The following TAS2R1 variants were observed in gnomAD, a reference collection of about 807,000 sequenced individuals.
TAS2R1 encodes taste 2 receptor member 1, also known as taste receptor type 2 member 1.
For missense variants in TAS2R1, 370 were observed against 353.4 expected, an observed-to-expected ratio of 1.05 and a Z score of -0.38; for synonymous variants, 141 against 134.2, an observed-to-expected ratio of 1.05 and a Z score of -0.35.
At chr5:9,699,858 A>AT (rs1038947281) in intron 1 of TAS2R1, among the ~76,000 whole-genome samples, 1 of 152,138 alleles carries the variant, frequency 6.6e-6, no homozygotes, top group African/African-American at 2.4e-5. Context: ...GTAATGATTC[A>AT]TTTTTTTCTT....
chr5:9,740,794 C>CTT, the TAS2R1 span, among the ~76,000 whole-genome samples: 1 of 152,176 alleles, frequency 6.6e-6, no homozygotes, highest in African/African-American at 2.4e-5. Flanking sequence ...CTTTGCAACT[C>CTT]CTTCTCTTCC....
At chr5:9,658,188 T>C (rs1216778583) in intron 2 of TAS2R1, among the ~76,000 whole-genome samples, 2 of 152,214 alleles carry the variant, frequency 1.3e-5, no homozygotes, top group Non-Finnish European at 2.9e-5. Flanking sequence ...TGCCAGGTAG[T>C]ATTCAGAAAA....
At chr5:9,680,234 G>A (rs142891848) in intron 1 of TAS2R1, among the ~76,000 whole-genome samples, 10 of 152,262 alleles carry the variant, frequency 6.6e-5, no homozygotes, top group East Asian at 1.9e-4. Context: ...TCATGAGGCC[G>A]AAGAGGTGTA....
the TAS2R1 span, among the ~76,000 whole-genome samples, chr5:9,780,592 C>G: frequency 6.1e-4 from 93 of 152,326 alleles, no homozygotes; most frequent in African/African-American, 2.1e-3. Context: ...TGATTATACT[C>G]TTTTGGTAAA....
the TAS2R1 span, among the ~76,000 whole-genome samples, chr5:9,789,216 C>A: frequency 6.6e-6 from 1 of 152,136 alleles, no homozygotes; most frequent in African/African-American, 2.4e-5. Context: ...ATCTGCCAGG[C>A]ATTTGATACT....
At chr5:9,872,516 C>T in the TAS2R1 span, among the ~76,000 whole-genome samples, 10 of 152,276 alleles carry the variant, frequency 6.6e-5, no homozygotes, top group Middle Eastern at 3.4e-3. Flanking sequence ...AGAATGAGTG[C>T]GCTGGAAATA....
intron 1 of TAS2R1, among the ~76,000 whole-genome samples, chr5:9,701,257 CACACACACACACACACAG>C (rs750367792): frequency 8.0e-6 from 1 of 125,170 alleles, no homozygotes; most frequent in Admixed American, 7.7e-5. Flanking sequence ...CACACACACA[CACACACACACACACACAG>C]TCTTATAATC....
chr5:9,872,808 A>G, the TAS2R1 span, among the ~76,000 whole-genome samples: 81 of 152,336 alleles, frequency 5.3e-4, no homozygotes, highest in African/African-American at 1.9e-3. Flanking sequence ...GATAATAACC[A>G]TACTCTGTCA....
the TAS2R1 span, among the ~76,000 whole-genome samples, chr5:9,862,061 C>T: frequency 6.6e-6 from 1 of 152,276 alleles, no homozygotes; most frequent in East Asian, 1.9e-4. Context: ...GTCTCACCAG[C>T]TCTGAAAATG....
chr5:9,652,496 G>A (rs1740327217), intron 2 of TAS2R1, among the ~76,000 whole-genome samples: 1 of 152,162 alleles, frequency 6.6e-6, no homozygotes, highest in Non-Finnish European at 1.5e-5. Flanking sequence ...GGATTCCAAG[G>A]AGCTATAGGG....
the TAS2R1 span, among the ~76,000 whole-genome samples, chr5:9,792,550 A>C: frequency 6.6e-6 from 1 of 152,196 alleles, no homozygotes; most frequent in Non-Finnish European, 1.5e-5. Flanking sequence ...TATTGACAAC[A>C]CGACTTTCAT....
chr5:9,878,353 T>C, the TAS2R1 span, among the ~76,000 whole-genome samples: 2 of 152,084 alleles, frequency 1.3e-5, no homozygotes, highest in African/African-American at 2.4e-5. Flanking sequence ...TGTCATAGAG[T>C]ATAGTTCCAG....
chr5:9,659,890 T>C (rs1740495676), intron 1 of TAS2R1: 1 of 152,168 alleles, frequency 6.6e-6, no homozygotes, highest in East Asian at 1.9e-4. Flanking sequence ...ACTCCCAAGA[T>C]TCAGACTCAC....
the TAS2R1 span, among the ~76,000 whole-genome samples, chr5:9,819,976 A>T: frequency 1.3e-5 from 2 of 152,066 alleles, no homozygotes; most frequent in Non-Finnish European, 2.9e-5. Flanking sequence ...AGCCAGCTCC[A>T]TGAAACATAA....
chr5:9,686,560 G>T (rs912105407), intron 1 of TAS2R1, among the ~76,000 whole-genome samples: 8 of 151,920 alleles, frequency 5.3e-5, no homozygotes, highest in Non-Finnish European at 1.2e-4. Context: ...ACAAGAGTAA[G>T]ATCAAAGGAA....
At chr5:9,752,936 T>A in the TAS2R1 span, among the ~76,000 whole-genome samples, 1 of 152,240 alleles carries the variant, frequency 6.6e-6, no homozygotes, top group Admixed American at 6.5e-5. Flanking sequence ...ATTTTCTTAA[T>A]CCAGTCTATC....
At chr5:9,903,159 C>A in the TAS2R1 span, among the ~76,000 whole-genome samples, 1 of 151,970 alleles carries the variant, frequency 6.6e-6, no homozygotes, top group African/African-American at 2.4e-5. Context: ...CCACCTTGTT[C>A]TGCTATCAAA....
At chr5:9,739,538 T>G in the TAS2R1 span, among the ~76,000 whole-genome samples, 278 of 152,314 alleles carry the variant, frequency 1.8e-3, no homozygotes, top group African/African-American at 6.5e-3. Flanking sequence ...TCCAAAAAAC[T>G]GCTGTTTACT....
At chr5:9,646,642 T>C (rs192101974) in intron 2 of TAS2R1, among the ~76,000 whole-genome samples, 40 of 152,318 alleles carry the variant, frequency 2.6e-4, no homozygotes, top group African/African-American at 8.2e-4. Context: ...GATTTTCATA[T>C]ATAGAAGCTG....
Sources: gnomAD v4.1 joint callset for allele counts (sites outside exome capture counted in the v4.1 genomes callset) on GRCh38, gnomAD v4.1.1 for gene constraint, MANE v1.5 for transcripts, NCBI Gene and HGNC (gene_info 2026-07-23, HGNC 2026-07-21) for gene names.